P2RY8: variants seen among roughly 807,000 people sequenced by gnomAD.
The protein encoded by P2RY8 is P2Y receptor family member 8.
A neutral mutation model predicts 10.0 loss-of-function variants in P2RY8; 6 were observed. That is an observed-to-expected ratio of 0.60 (90% CI 0.33 to 1.19). P2RY8 has a LOEUF of 1.19. Among genes scored for constraint, P2RY8 ranks in the 50% most tolerant of loss-of-function variants. The pLI is 0.04. For synonymous variants in P2RY8, 276 were observed against 252.5 expected, an observed-to-expected ratio of 1.09 and a Z score of -0.88; for missense variants, 456 against 542.0, an observed-to-expected ratio of 0.84 and a Z score of 1.58.
At chrX:1,472,643 G>T (rs2091803607) in intron 1 of P2RY8, among the ~76,000 whole-genome samples, 3 of 139,696 alleles carry the variant, frequency 2.1e-5, no homozygotes, top group Non-Finnish European at 1.5e-5. Context: ...TGGGTTGATG[G>T]GTAGATGGAT....
At chrX:1,486,035 A>G (rs771265922) in intron 1 of P2RY8, among the ~76,000 whole-genome samples, 2 of 152,260 alleles carry the variant, frequency 1.3e-5, no homozygotes, top group African/African-American at 4.8e-5. Context: ...CCTGGCCAAC[A>G]TGGTGAAACC....
rs1844733427 is a variant in P2RY8 at position 1,466,134 on chromosome X, G to A, written c.425C>T (p.Ala142Val). The A allele has an allele frequency of 1.2e-6, 2 of 1,611,684 alleles. No homozygotes were observed. Among genetic ancestry groups the A allele is most frequent in the Non-Finnish European group, 1.7e-6 (2 of 1,179,326 alleles). The change falls in exon 2 of 2, where the codon GCC becomes GTC. Residue 142 changes from alanine to valine, a missense_variant. Coordinates refer to ENST00000381297, the MANE Select transcript of P2RY8 (RefSeq NM_178129.5). The part of the protein sequence containing the change: ...KRWRRRRYAV[A>V]ACAGTWLLLL... ...CAGCAGCCAGGTCCCTGCACACGCGGCCACCGCGTAACGACGGCGGCGCCA... is the reference window on the plus strand; with the variant it reads ...CAGCAGCCAGGTCCCTGCACACGCGACCACCGCGTAACGACGGCGGCGCCA...
intron 1 of P2RY8, among the ~76,000 whole-genome samples, chrX:1,498,827 C>T (rs747269587): frequency 2.3e-4 from 34 of 151,020 alleles, no homozygotes; most frequent in African/African-American, 5.8e-4. Context: ...TGCGAACCAC[C>T]GCACCTGGCC....
intron 1 of P2RY8, among the ~76,000 whole-genome samples, chrX:1,502,521 G>A (rs1422915828): frequency 2.6e-5 from 4 of 152,122 alleles, no homozygotes; most frequent in Middle Eastern, 3.2e-3. Flanking sequence ...TGGCTGCCAC[G>A]TGAGCCGCCC....
chrX:1,496,382 G>A (rs2092116709), intron 1 of P2RY8, among the ~76,000 whole-genome samples: 1 of 152,138 alleles, frequency 6.6e-6, no homozygotes. Context: ...CCTTGGCGTT[G>A]GGGAGCCACA....
intron 1 of P2RY8, among the ~76,000 whole-genome samples, chrX:1,475,679 A>G (rs2091866035): frequency 1.3e-5 from 2 of 152,176 alleles, no homozygotes; most frequent in Admixed American, 1.3e-4. Context: ...GCACAAGATT[A>G]TAGGATAAGA....
At chrX:1,515,728 CT>C (rs1186385441) in intron 1 of P2RY8, among the ~76,000 whole-genome samples, 3 of 151,988 alleles carry the variant, frequency 2.0e-5, no homozygotes, top group Admixed American at 2.0e-4. Context: ...CTCTTACTCA[CT>C]GCTATTGTCT....
chrX:1,489,509 CAA>C (rs2092021381), intron 1 of P2RY8, among the ~76,000 whole-genome samples: 1 of 152,084 alleles, frequency 6.6e-6, no homozygotes, highest in Non-Finnish European at 1.5e-5. Flanking sequence ...GGATTCCTCA[CAA>C]ATGTGGAGGG....
chrX:1,476,924 C>T (rs1464284819), intron 1 of P2RY8, among the ~76,000 whole-genome samples: 6 of 152,138 alleles, frequency 3.9e-5, no homozygotes, highest in Admixed American at 1.3e-4. Context: ...AGCAGTGGCT[C>T]ACACCTGTAA....
chrX:1,515,601 C>T (rs1461247367), intron 1 of P2RY8, among the ~76,000 whole-genome samples: 1 of 151,550 alleles, frequency 6.6e-6, no homozygotes, highest in Admixed American at 6.6e-5. Flanking sequence ...GAACTCCTGA[C>T]CTCACGTGAT....
At chrX:1,523,319 C>G (rs2092406644) in intron 1 of P2RY8, among the ~76,000 whole-genome samples, 1 of 151,840 alleles carries the variant, frequency 6.6e-6, no homozygotes, top group Non-Finnish European at 1.5e-5. Context: ...CACTTTAGTC[C>G]CTAAAATCTT....
rs1488250799 is a variant in P2RY8, at chrX:1,469,233, G to A, written c.-24-2651C>T. On this transcript the variant is annotated intron_variant, in intron 1 of 1. Coordinates refer to ENST00000381297, the MANE Select transcript of P2RY8 (RefSeq NM_178129.5). Reference sequence around the variant, plus strand: ...GGCTGGAATGCAATGGCGTGATCTCGGCTCACTGCAACCTCTGTCTCCCTG... The same window carrying A: ...GGCTGGAATGCAATGGCGTGATCTCAGCTCACTGCAACCTCTGTCTCCCTG... Among the ~76,000 whole-genome samples, 18 of 146,150 alleles carry A rather than the reference G, an allele frequency of 1.2e-4. No homozygotes were observed. The East Asian group carries it at 2.7e-3, about 22-fold the overall frequency.
At chrX:1,521,478 T>C (rs6644727) in intron 1 of P2RY8, among the ~76,000 whole-genome samples, 103,030 of 151,946 alleles carry the variant, frequency 0.68, 36,314 homozygotes, top group East Asian at 0.97. Context: ...CGTCCCAGTA[T>C]GGACAAACCC....
intron 1 of P2RY8, among the ~76,000 whole-genome samples, chrX:1,533,555 CTTATATATTTATTATTTAA>C (rs1448439121): frequency 4.5e-4 from 2 of 4,420 alleles, no homozygotes; most frequent in Non-Finnish European, 1.5e-3. Context: ...ATATTATATA[CTTATATATTTATTATTTAA>C]ATATATTATA....
chrX:1,470,988 C>T (rs1603454465), intron 1 of P2RY8, among the ~76,000 whole-genome samples: 1 of 151,522 alleles, frequency 6.6e-6, no homozygotes, highest in East Asian at 1.9e-4. Context: ...AGGAACCTGC[C>T]ACCACGCCTG....
rs756791821 is a variant in P2RY8, at chrX:1,518,014, C to T, written c.-25+18907G>A. Among the ~76,000 whole-genome samples the T allele has an allele frequency of 2.6e-4, 39 of 151,794 alleles. No homozygotes were observed. The South Asian group carries it at 4.0e-3, about 15-fold the overall frequency. On this transcript the variant is annotated intron_variant, in intron 1 of 1. Coordinates refer to ENST00000381297, the MANE Select transcript of P2RY8 (RefSeq NM_178129.5). ...ATCCCAGCTACTCAGGAGGCTGAGG[C>T]GGGAGAATTGCTTGAACCTGGGAGG...
At chrX:1,493,059 G>T (rs868607946) in intron 1 of P2RY8, among the ~76,000 whole-genome samples, 1 of 151,308 alleles carries the variant, frequency 6.6e-6, no homozygotes, top group Admixed American at 6.6e-5. Context: ...AGGCCGAAGC[G>T]GGTGGATCAT....
Position 1,462,639 on chromosome X carries a change from G to C in P2RY8, c.*2840C>G, listed in dbSNP as rs138159993. On this transcript the variant is annotated 3_prime_UTR_variant, in exon 2 of 2. Transcript: ENST00000381297. ...TTATTTTTATTTTTTACAGAGATGA[G>C]TTCTCACTGTGTTGCCTAGGTTGGC... 3.7e-3 allele frequency: 853 copies of C among 232,734 alleles called. 1 individual carries two copies. Among genetic ancestry groups the C allele is most frequent in the Non-Finnish European group, 5.3e-3 (619 of 117,858 alleles). 14.4% of individuals were successfully genotyped at this position (232,734 alleles called of 1,614,324 possible). A position where few individuals can be genotyped will look rare whatever the true frequency, so the allele number is the denominator to read the frequency against.
rs139724885 is a variant in P2RY8, at chrX:1,514,171, G to C, written c.-25+22750C>G. On this transcript the variant is annotated intron_variant, in intron 1 of 1. Transcript: ENST00000381297. ...TTATAAATCCAGGGCAAACCAAGAT[G>C]GATTATCTCCCCACATCCAACACCT... Among the ~76,000 whole-genome samples, 734 of 152,126 alleles carry C rather than the reference G, an allele frequency of 4.8e-3. 9 individuals are homozygous for C. Among genetic ancestry groups the C allele is most frequent in the African/African-American group, 0.017 (711 of 41,514 alleles).
Sources: allele counts gnomAD v4.1 joint callset (sites outside exome capture counted in the v4.1 genomes callset), GRCh38; gene constraint gnomAD v4.1.1; transcripts MANE v1.5; gene names NCBI Gene and HGNC (gene_info 2026-07-23, HGNC 2026-07-21).